The following MARCHF1 variants were observed in gnomAD, a reference collection of about 807,000 sequenced individuals.
The protein encoded by MARCHF1 is membrane associated ring-CH-type finger 1.
Under a neutral mutation model 54.2 loss-of-function variants are expected in MARCHF1, and 40 were observed. The ratio of observed to expected loss-of-function variants is 0.74; its 90% CI spans 0.57 to 0.96. The LOEUF (loss-of-function observed/expected upper bound fraction) is 0.96, where lower values mean the gene tolerates loss of function less well. MARCHF1 is among the 40% of genes least tolerant of loss of function. MARCHF1 has a pLI of 0.00. For missense variants in MARCHF1, 586 were observed against 656.5 expected, an observed-to-expected ratio of 0.89 and a Z score of 1.17; for synonymous variants, 236 against 236.3, an observed-to-expected ratio of 1.00 and a Z score of 0.01.
At chr4:164,194,047 G>A (rs559284789) in intron 1 of MARCHF1, among the ~76,000 whole-genome samples, 48 of 152,218 alleles carry the variant, frequency 3.2e-4, no homozygotes, top group African/African-American at 1.2e-3. Context: ...AGTGGGTAAT[G>A]TCAACCAGAA....
intron 3 of MARCHF1, 27 bp downstream of exon 3, chr4:163,988,474 A>G (rs901354624): frequency 2.0e-5 from 3 of 152,204 alleles, no homozygotes; most frequent in Non-Finnish European, 4.4e-5. Context: ...TGGCTCTCTG[A>G]TTTTATTAAA....
At chr4:163,880,048 A>G (rs1750381410) in intron 3 of MARCHF1, among the ~76,000 whole-genome samples, 2 of 151,728 alleles carry the variant, frequency 1.3e-5, no homozygotes, top group Admixed American at 1.3e-4. Context: ...ATACAAGTAT[A>G]TGATATTTAT....
At chr4:163,594,523 CTAACTT>C (rs1474575322) in intron 7 of MARCHF1, among the ~76,000 whole-genome samples, 1 of 151,040 alleles carries the variant, frequency 6.6e-6, no homozygotes, top group Non-Finnish European at 1.5e-5. Flanking sequence ...CACACACAAA[CTAACTT>C]TAATTGTATT....
intron 1 of MARCHF1, among the ~76,000 whole-genome samples, chr4:164,124,030 C>T (rs1043523050): frequency 6.6e-6 from 1 of 151,816 alleles, no homozygotes; most frequent in African/African-American, 2.4e-5. Flanking sequence ...ACAGAATATA[C>T]AAGGAACTCA....
At chr4:164,324,946 C>G (rs139653931) in intron 1 of MARCHF1, among the ~76,000 whole-genome samples, 3 of 151,204 alleles carry the variant, frequency 2.0e-5, no homozygotes, top group East Asian at 3.9e-4. Context: ...TAAAATGATA[C>G]GGAAGTTCAT....
At chr4:163,574,301 AG>A (rs1244851040) in intron 8 of MARCHF1, among the ~76,000 whole-genome samples, 1 of 152,092 alleles carries the variant, frequency 6.6e-6, no homozygotes, top group African/African-American at 2.4e-5. Context: ...TTTGCTGTGC[AG>A]AAGCTCTTTA....
intron 4 of MARCHF1, among the ~76,000 whole-genome samples, chr4:163,768,580 C>T (rs1430601763): frequency 6.6e-6 from 1 of 152,168 alleles, no homozygotes; most frequent in Non-Finnish European, 1.5e-5. Context: ...TTATTAAAAT[C>T]ATGCTATAGC....
intron 4 of MARCHF1, among the ~76,000 whole-genome samples, chr4:163,769,099 A>C (rs1218038221): frequency 6.6e-6 from 1 of 152,172 alleles, no homozygotes; most frequent in Admixed American, 6.5e-5. Flanking sequence ...GCACACCTAA[A>C]TATTTTAATG....
chr4:163,937,516 A>T (rs1253508419), intron 3 of MARCHF1, among the ~76,000 whole-genome samples: 1 of 151,366 alleles, frequency 6.6e-6, no homozygotes, highest in Non-Finnish European at 1.5e-5. Context: ...ATATAAATAT[A>T]TACATATATA....
At chr4:164,293,120 A>G (rs1734323955) in intron 1 of MARCHF1, among the ~76,000 whole-genome samples, 1 of 152,152 alleles carries the variant, frequency 6.6e-6, no homozygotes, top group African/African-American at 2.4e-5. Flanking sequence ...ATAAATTTCT[A>G]TATAATAGTA....
At chr4:163,839,524 C>A (rs1394990110) in intron 4 of MARCHF1, among the ~76,000 whole-genome samples, 2 of 152,004 alleles carry the variant, frequency 1.3e-5, no homozygotes, top group African/African-American at 2.4e-5. Flanking sequence ...ATATTATTAA[C>A]AACAAAATGA....
chr4:164,178,266 T>G (rs1730742120), intron 1 of MARCHF1, among the ~76,000 whole-genome samples: 2 of 152,144 alleles, frequency 1.3e-5, no homozygotes, highest in African/African-American at 4.8e-5. Flanking sequence ...CCAAGTAACT[T>G]TAGTTTGGAG....
chr4:164,189,263 G>A, intron 1 of MARCHF1: 1 of 587,726 alleles, frequency 1.7e-6, no homozygotes, highest in Non-Finnish European at 3.1e-6. Flanking sequence ...GAAAAGGCCA[G>A]ATGGGCCCTG....
intron 2 of MARCHF1, among the ~76,000 whole-genome samples, chr4:164,035,392 T>C (rs1261942275): frequency 6.6e-6 from 1 of 151,830 alleles, no homozygotes; most frequent in East Asian, 1.9e-4. Flanking sequence ...CTCCATAGGT[T>C]TGAAAGAATA....
intron 1 of MARCHF1, among the ~76,000 whole-genome samples, chr4:164,119,640 G>A (rs2110767100): frequency 6.6e-6 from 1 of 150,828 alleles, no homozygotes; most frequent in South Asian, 2.1e-4. Context: ...GACACCAACT[G>A]AGAATTAACA....
intron 4 of MARCHF1, among the ~76,000 whole-genome samples, chr4:163,831,603 T>C (rs1446734355): frequency 2.0e-5 from 3 of 150,220 alleles, no homozygotes; most frequent in Non-Finnish European, 4.4e-5. Context: ...ATCAATTAAA[T>C]TTTAAAAAAT....
At chr4:163,839,539 T>C (rs931936296) in intron 4 of MARCHF1, among the ~76,000 whole-genome samples, 4 of 152,220 alleles carry the variant, frequency 2.6e-5, no homozygotes, top group Admixed American at 2.6e-4. Context: ...AAATGAAGTT[T>C]TGACACATGC....
At chr4:164,278,294 A>G (rs939595861) in intron 1 of MARCHF1, among the ~76,000 whole-genome samples, 1 of 152,222 alleles carries the variant, frequency 6.6e-6, no homozygotes, top group Non-Finnish European at 1.5e-5. Flanking sequence ...TGGGTAATAG[A>G]GTAAGACCCT....
At chr4:163,851,099 C>T (rs1403376475) in intron 4 of MARCHF1, among the ~76,000 whole-genome samples, 38 of 151,994 alleles carry the variant, frequency 2.5e-4, no homozygotes, top group Non-Finnish European at 7.4e-5. Context: ...ATGTTTAAAA[C>T]TTAAAATAAC....
Sources: gnomAD v4.1 joint callset for allele counts (sites outside exome capture counted in the v4.1 genomes callset) on GRCh38, gnomAD v4.1.1 for gene constraint, MANE v1.5 for transcripts, NCBI Gene and HGNC (gene_info 2026-07-23, HGNC 2026-07-21) for gene names.